Variants in TASOR2 observed in about 807,000 individuals in gnomAD.
The protein encoded by TASOR2 is protein TASOR 2.
In TASOR2, 84 loss-of-function variants were observed where a neutral mutation model predicts 199.5. The observed-to-expected ratio is 0.42, with a 90% confidence interval of 0.35 to 0.50. TASOR2 has a LOEUF of 0.50. Ranked by LOEUF, TASOR2 falls within the 20% of genes least tolerant of loss-of-function variation. TASOR2 has a pLI of 0.02. For missense variants in TASOR2, 2,796 were observed against 2,835.9 expected (o/e 0.99, Z 0.32); for synonymous variants, 1,103 against 1,046.6 (o/e 1.05, Z -1.04).
intron 16 of TASOR2, 38 bp from the exon 18 acceptor site, chr10:5,757,482 G>A: frequency 6.4e-7 from 1 of 1,566,310 alleles, no homozygotes; most frequent in Non-Finnish European, 8.6e-7. Context: ...TGTGCCCAGT[G>A]AGCCTCTCTT....
At chr10:5,723,090 C>T (rs12763822) in intron 6 of TASOR2, among the ~76,000 whole-genome samples, 20 of 110,836 alleles carry the variant, frequency 1.8e-4, no homozygotes, top group Admixed American at 5.4e-4. Flanking sequence ...CTCGCTCTGT[C>T]GCCCAGGCTA....
rs777878054 is a variant in TASOR2, at chr10:5,687,812, C to T, written c.-288+2637C>T. Among the ~76,000 whole-genome samples, 2 of 152,070 alleles carry T rather than the reference C, an allele frequency of 1.3e-5. No homozygotes were observed. Among genetic ancestry groups the T allele is most frequent in the African/African-American group, 4.8e-5 (2 of 41,412 alleles). On this transcript the variant is annotated intron_variant, in intron 1 of 20. Coordinates refer to ENST00000328090, the Ensembl canonical transcript of TASOR2. This position sits in a 1 kb window ranked among gnomAD's most constrained non-coding sequence, Gnocchi z 4.8. ...CAGCCTGGGTGACAGAGTGAGACTC[C>T]GTCTCAAAAGACTGCTGAAGATCCC... is the stretch of plus-strand genomic sequence containing the variant.
intron 6 of TASOR2, among the ~76,000 whole-genome samples, chr10:5,723,196 C>T (rs1276875801): frequency 6.6e-6 from 1 of 151,338 alleles, no homozygotes; most frequent in Non-Finnish European, 1.5e-5. Flanking sequence ...GGTGGGACTA[C>T]AGGCGCCCAC....
In TASOR2 at chr10:5,748,866, G is replaced by A. The variant is rs764560944; in HGVS notation, c.5445G>A (p.Glu1815=). The change falls in exon 15 of 21, where the codon GAG becomes GAA. Residue 1815 remains glutamate, a synonymous_variant. Coordinates refer to ENST00000328090, the Ensembl canonical transcript of TASOR2. The surrounding 1 kb of genome is among the most constrained non-coding windows in gnomAD (Gnocchi z 5.1). Reference sequence around the variant, plus strand: ...CTGAAACCCTAGGCAGAGATGGAGAGGTCGGTGTGAATTCCGACATGCACT... The same window carrying A: ...CTGAAACCCTAGGCAGAGATGGAGAAGTCGGTGTGAATTCCGACATGCACT... The A allele has an allele frequency of 1.6e-5, 26 of 1,613,984 alleles. No individual in the cohort carries two copies. The highest frequency in any genetic ancestry group is 2.1e-5 in the Non-Finnish European group (25 of 1,180,022).
chr10:5,712,064 A>G (rs923850765), intron 1 of TASOR2: 1 of 171,276 alleles, frequency 5.8e-6, no homozygotes, highest in Non-Finnish European at 1.2e-5. Flanking sequence ...CTAAAAGTCT[A>G]AGCAGCTCCT....
chr10:5,757,180 C>G (rs1236450634), intron 16 of TASOR2, among the ~76,000 whole-genome samples: 1 of 152,202 alleles, frequency 6.6e-6, no homozygotes, highest in Non-Finnish European at 1.5e-5. Flanking sequence ...GTGCTGGCAC[C>G]AAGGGGAGCT....
At chr10:5,693,688 G>T (rs894382162) in intron 1 of TASOR2, among the ~76,000 whole-genome samples, 9 of 152,204 alleles carry the variant, frequency 5.9e-5, no homozygotes, top group African/African-American at 2.2e-4. Flanking sequence ...AGGACTACAG[G>T]AGATCTTTTT....
rs1217053877 is a variant in TASOR2 at position 5,730,202 on chromosome 10, A to G, written c.488-285A>G. 2.0e-5 allele frequency among the ~76,000 whole-genome samples: 3 copies of G among 152,182 alleles called. No homozygotes were observed. The highest frequency in any genetic ancestry group is 2.0e-4 in the Admixed American group (3 of 15,268). ...GCTCATGAGCTCCTTGTTAGGTGAG[A>G]TGGAGCTGGAGGCAGGGTTTAGTTT... On this transcript the variant is annotated intron_variant, in intron 10 of 20. Transcript: ENST00000328090. This position sits in a 1 kb window ranked among gnomAD's most constrained non-coding sequence, Gnocchi z 4.1.
rs1401332726 is a variant in TASOR2, at chr10:5,710,588, A to G, written c.-287-2235A>G. On this transcript the variant is annotated intron_variant, in intron 1 of 20. Transcript: ENST00000328090. The surrounding 1 kb of genome is among the most constrained non-coding windows in gnomAD (Gnocchi z 4.6). ...ACCCTGTATTAGTGTTTTTAATTGC[A>G]CCATCTCTTCAGTTTTCAGTTCATT... 6.6e-6 allele frequency among the ~76,000 whole-genome samples: 1 copy of G among 152,080 alleles called. No individual in the cohort carries two copies. The highest frequency in any genetic ancestry group is 1.9e-4 in the East Asian group (1 of 5,198).
chr10:5,731,203 G>C (rs756542426), exon 11 of TASOR2: 2 of 1,598,640 alleles, frequency 1.3e-6, no homozygotes, highest in Non-Finnish European at 1.7e-6. Context: ...AAGAAAAAGA[G>C]GTAAGCACGA....
intron 1 of TASOR2, among the ~76,000 whole-genome samples, chr10:5,700,591 A>G (rs1465488969): frequency 6.6e-6 from 1 of 152,108 alleles, no homozygotes; most frequent in Non-Finnish European, 1.5e-5. Context: ...CTTCGCCGGC[A>G]TTCATTATTG....
At chr10:5,724,981 T>C (rs970424657) in intron 8 of TASOR2, among the ~76,000 whole-genome samples, 6 of 152,146 alleles carry the variant, frequency 3.9e-5, no homozygotes, top group African/African-American at 1.4e-4. Flanking sequence ...TCTCAAAATA[T>C]TTTATTTATT....
At chr10:5,733,065 A>G (rs1340496643) in intron 11 of TASOR2, among the ~76,000 whole-genome samples, 1 of 152,204 alleles carries the variant, frequency 6.6e-6, no homozygotes, top group East Asian at 1.9e-4. Context: ...ATAAATTGTC[A>G]CTGTTTCTCA....
rs1241964697 is a variant in TASOR2, at chr10:5,685,263, C to T, written c.-288+88C>T. The T allele has an allele frequency of 2.5e-6, 1 of 396,990 alleles. No homozygotes were observed. The highest frequency in any genetic ancestry group is 4.4e-6 in the Non-Finnish European group (1 of 225,150). The allele number at this position is 396,990 out of a possible 1,614,324, so 24.6% of individuals were successfully genotyped here. On this transcript the variant is annotated intron_variant, in intron 1 of 20. Transcript: ENST00000328090. This position sits in a 1 kb window ranked among gnomAD's most constrained non-coding sequence, Gnocchi z 5.4. ...CCGAGCGCTCGGGCAGCTGCCGGGG[C>T]TTGGCTGCGAGGGTCGACGCGTTCT...
chr10:5,739,586 C>T, intron 12 of TASOR2, 32 bp from the exon 14 acceptor site: 1 of 1,576,762 alleles, frequency 6.3e-7, no homozygotes, highest in Non-Finnish European at 8.6e-7. Context: ...GACAAGCAAA[C>T]ATCTCTCTTT....
exon 19 of TASOR2, chr10:5,761,371 C>T: frequency 6.2e-7 from 1 of 1,613,916 alleles, no homozygotes; most frequent in Non-Finnish European, 8.5e-7. Context: ...TTCATTATCA[C>T]CAGTGTGACT....
intron 8 of TASOR2, among the ~76,000 whole-genome samples, chr10:5,725,831 G>C (rs961663005): frequency 6.6e-6 from 1 of 152,076 alleles, no homozygotes; most frequent in Non-Finnish European, 1.5e-5. Flanking sequence ...AGGAGCTTAG[G>C]AGACTATGGA....
At chr10:5,704,040 A>G (rs1454179119) in intron 1 of TASOR2, among the ~76,000 whole-genome samples, 2 of 151,834 alleles carry the variant, frequency 1.3e-5, no homozygotes, top group Non-Finnish European at 2.9e-5. Flanking sequence ...CCTGGCCAAG[A>G]TGGTGAAACC....
intron 1 of TASOR2, among the ~76,000 whole-genome samples, chr10:5,704,689 A>G (rs1838351289): frequency 6.6e-6 from 1 of 152,030 alleles, no homozygotes; most frequent in Admixed American, 6.5e-5. Context: ...AATTGACCGT[A>G]GCTTATTGAT....
Sources: allele counts gnomAD v4.1 joint callset (sites outside exome capture counted in the v4.1 genomes callset), GRCh38; gene constraint gnomAD v4.1.1; non-coding constraint Gnocchi (gnomAD v3.1); transcripts MANE v1.5; gene names NCBI Gene and HGNC (gene_info 2026-07-23, HGNC 2026-07-21).